GSN: variants seen among roughly 807,000 people sequenced by gnomAD.
The protein encoded by GSN is actin-depolymerizing factor.
GSN carries 56 observed loss-of-function variants against 85.7 expected under a neutral mutation model. That is an observed-to-expected ratio of 0.65 (90% CI 0.53 to 0.82). The LOEUF is 0.82. GSN is among the 40% of genes least tolerant of loss of function. The pLI, the probability that GSN is intolerant of heterozygous loss-of-function variation, is 0.00. For synonymous variants in GSN, 373 were observed against 399.1 expected (o/e 0.93, Z 0.78); for missense variants, 857 against 979.8 (o/e 0.87, Z 1.67).
At chr9:121,317,641 G>A in intron 8 of GSN, 1 of 289,258 alleles carries the variant, frequency 3.5e-6, no homozygotes, top group South Asian at 3.4e-5. Context: ...ATCTGGTTTG[G>A]GAAATGCTAA....
In GSN at chr9:121,287,495, T is replaced by C. The variant is rs1055599690; in HGVS notation, c.-10+5933T>C. Among the ~76,000 whole-genome samples the C allele has an allele frequency of 1.5e-4, 23 of 151,936 alleles. 1 individual carries two copies. Among genetic ancestry groups the C allele is most frequent in the African/African-American group, 4.4e-4 (18 of 41,370 alleles). ...GGGTGGGGCCTGGGAATCTATTGTT[T>C]CCTGAGCTCCTTGGGTGATCCTGCT... is the stretch of plus-strand genomic sequence containing the variant. On this transcript the variant is annotated intron_variant, in intron 2 of 17. Coordinates refer to ENST00000432226, the MANE Select transcript of GSN (RefSeq NM_198252.3).
chr9:121,286,826 C>T lies in GSN; in HGVS notation c.-10+5264C>T. ...CTTCGGACTTCAGAGTCAGACAGCC[C>T]TGAATTCCTAATGGTGTAACCTTGG... On this transcript the variant is annotated intron_variant, in intron 2 of 17. Coordinates refer to ENST00000432226, the MANE Select transcript of GSN (RefSeq NM_198252.3). The T allele has an allele frequency of 2.3e-6, 3 of 1,315,888 alleles. 1 individual carries two copies. In the South Asian group the frequency reaches 3.8e-5, roughly 17 times the overall value. 81.5% of individuals were successfully genotyped at this position (1,315,888 alleles called of 1,614,324 possible). A position where few individuals can be genotyped will look rare whatever the true frequency, so the allele number is the denominator to read the frequency against.
intron 11 of GSN, among the ~76,000 whole-genome samples, chr9:121,322,921 C>T (rs1402214707): frequency 2.0e-5 from 3 of 151,862 alleles, no homozygotes; most frequent in Non-Finnish European, 4.4e-5. Flanking sequence ...ACCTCTGCCC[C>T]CCGGGGCTCA....
At chr9:121,331,157 T>C in intron 16 of GSN, among the ~76,000 whole-genome samples, 1 of 152,064 alleles carries the variant, frequency 6.6e-6, no homozygotes. Context: ...GTCATAACGG[T>C]TTAAAAAGAC....
At chr9:121,222,820 A>ATTAC in intron 4 of GSN, 1 of 152,294 alleles carries the variant, frequency 6.6e-6, no homozygotes, top group East Asian at 1.9e-4. Flanking sequence ...AACCAAAGGA[A>ATTAC]GTAAAAAGCT....
chr9:121,214,273 T>C (rs1357518313), intron 4 of GSN, among the ~76,000 whole-genome samples: 1 of 151,842 alleles, frequency 6.6e-6, no homozygotes, highest in East Asian at 1.9e-4. Flanking sequence ...TTTTCTCTCT[T>C]TCTCTCCTCC....
At chr9:121,306,026 C>T (rs114250491) in intron 4 of GSN, among the ~76,000 whole-genome samples, 26 of 152,314 alleles carry the variant, frequency 1.7e-4, no homozygotes, top group African/African-American at 6.0e-4. Context: ...TTCTATGACC[C>T]CCAAATCCTT....
At chr9:121,321,504 A>G (rs959556792) in intron 11 of GSN, 103 bp downstream of exon 11, 89 of 1,113,772 alleles carry the variant, frequency 8.0e-5, no homozygotes, top group Middle Eastern at 7.9e-4. Flanking sequence ...TGGGACCACC[A>G]CTCCCTGCTG....
intron 5 of GSN, among the ~76,000 whole-genome samples, chr9:121,233,192 G>A (rs574049201): frequency 5.3e-5 from 8 of 152,266 alleles, no homozygotes; most frequent in African/African-American, 1.4e-4. Flanking sequence ...CAAGCCAGGC[G>A]CGGTGGCTCA....
intron 2 of GSN, chr9:121,286,655 C>T: frequency 6.5e-7 from 1 of 1,534,286 alleles, no homozygotes; most frequent in South Asian, 1.2e-5. Flanking sequence ...GCCCTCTGGG[C>T]CGGGAAGTCA....
chr9:121,315,011 C>T (rs2061550818), intron 7 of GSN, among the ~76,000 whole-genome samples: 1 of 152,188 alleles, frequency 6.6e-6, no homozygotes, highest in Admixed American at 6.5e-5. Context: ...CAGATGTACG[C>T]CACCACGCCC....
At chr9:121,255,510 A>G (rs1377327346) in intron 6 of GSN, among the ~76,000 whole-genome samples, 1 of 152,188 alleles carries the variant, frequency 6.6e-6, no homozygotes, top group East Asian at 1.9e-4. Context: ...TGCTGAGATT[A>G]TGGGCATAAG....
intron 13 of GSN, 36 bp downstream of exon 13, chr9:121,326,718 C>A (rs1162696123): frequency 3.2e-6 from 5 of 1,574,766 alleles, no homozygotes; most frequent in Non-Finnish European, 4.4e-6. Flanking sequence ...AAGGGATTGG[C>A]CTCCCTGAAA....
chr9:121,260,169 C>G (rs1055928894), intron 6 of GSN, among the ~76,000 whole-genome samples: 24 of 152,178 alleles, frequency 1.6e-4, no homozygotes, highest in African/African-American at 5.3e-4. Flanking sequence ...TGGCTGAGGT[C>G]AAGGTCAAAG....
chr9:121,233,123 A>T lies in GSN; in HGVS notation c.-389+1820A>T, dbSNP rs2054425917. Among the ~76,000 whole-genome samples, 5 of 152,100 alleles carry T rather than the reference A, an allele frequency of 3.3e-5. 1 individual carries two copies. In the South Asian group the frequency reaches 1.0e-3, roughly 31 times the overall value. ...AGCTCTGAGGTAGGCCTTTAATAAG[A>T]CTAACAACCTCCTCTTCCTCCCTCT... On this transcript the variant is annotated intron_variant, in intron 5 of 24. Coordinates refer to the GSN transcript ENST00000373823.
At chr9:121,282,109 C>T in intron 2 of GSN, 2 of 461,860 alleles carry the variant, frequency 4.3e-6, no homozygotes, top group South Asian at 3.6e-5. Flanking sequence ...CACAGGTGAC[C>T]TGCTGAAGTA....
chr9:121,302,153 T>C lies in GSN; in HGVS notation c.182T>C (p.Leu61Pro). ...QLRNGNLQYD[L>P]HYWLGNECSQ... ...AGGAACGGAAATCTGCAGTATGACC[T>C]CCACTACTGGCTGGGTGAGGCTGGC... The change falls in exon 3 of 18, where the codon CTC (leucine) becomes CCC (proline). Residue 61 changes from leucine (L) to proline (P), a missense_variant. Leu to Pro is a moderately conservative substitution (Grantham distance 98, BLOSUM62 -3). Transcript: ENST00000432226. 6.2e-7 allele frequency: 1 copy of C among 1,613,996 alleles called. No homozygotes were observed. Among genetic ancestry groups the C allele is most frequent in the Non-Finnish European group, 8.5e-7 (1 of 1,179,946 alleles).
chr9:121,326,538 C>G lies in GSN; in HGVS notation c.1443C>G (p.Pro481=), dbSNP rs200156774. The G allele has an allele frequency of 2.5e-6, 4 of 1,613,952 alleles. No individual in the cohort carries two copies. Among genetic ancestry groups the G allele is most frequent in the Non-Finnish European group, 3.4e-6 (4 of 1,180,012 alleles). Residue 481 remains proline (P), a synonymous_variant, in exon 13 of 18, where the codon CCC becomes CCG. Transcript: ENST00000432226. ...VQSRVVQGKE[P]AHLMSLFGGK... ...GCCGTGTGGTCCAAGGCAAGGAGCC[C>G]GCCCACCTCATGAGCCTGTTTGGTG...
upstream of GSN, among the ~76,000 whole-genome samples, chr9:121,206,141 A>G (rs189739372): frequency 2.0e-5 from 3 of 152,280 alleles, no homozygotes; most frequent in Admixed American, 1.3e-4. Flanking sequence ...TTATTACCAC[A>G]TGTGTGTTCT....
Sources: allele counts gnomAD v4.1 joint callset (sites outside exome capture counted in the v4.1 genomes callset), GRCh38; gene constraint gnomAD v4.1.1; transcripts MANE v1.5; gene names NCBI Gene and HGNC (gene_info 2026-07-23, HGNC 2026-07-21).